Variants in MAD1L1 observed in about 807,000 individuals in gnomAD.
The protein encoded by MAD1L1 is mitotic spindle assembly checkpoint protein MAD1.
Under a neutral mutation model 96.9 loss-of-function variants are expected in MAD1L1, and 95 were observed. The observed-to-expected ratio is 0.98, with a 90% CI of 0.83 to 1.16. The LOEUF is 1.16. Ranked by LOEUF, MAD1L1 falls within the 50% of genes most tolerant of loss-of-function variation. The pLI, the probability that MAD1L1 is intolerant of heterozygous loss-of-function variation, is 0.00. For synonymous variants in MAD1L1, 473 were observed against 396.6 expected, an observed-to-expected ratio of 1.19 and a Z score of -2.29; for missense variants, 1,007 against 954.4, an observed-to-expected ratio of 1.06 and a Z score of -0.73.
At chr7:1,836,250 G>C (rs1782932432) in intron 18 of MAD1L1, among the ~76,000 whole-genome samples, 1 of 152,260 alleles carries the variant, frequency 6.6e-6, no homozygotes, top group South Asian at 2.1e-4. Context: ...TTGAACTCCT[G>C]ATCTCATGAT....
chr7:1,835,173 GAGA>G (rs1782884145), intron 18 of MAD1L1, among the ~76,000 whole-genome samples: 1 of 151,760 alleles, frequency 6.6e-6, no homozygotes, highest in African/African-American at 2.4e-5. Flanking sequence ...TCCTCAGCCT[GAGA>G]AAGGGTATCT....
chr7:1,895,357 C>G (rs905586625), intron 18 of MAD1L1, among the ~76,000 whole-genome samples: 2 of 152,160 alleles, frequency 1.3e-5, no homozygotes, highest in Non-Finnish European at 2.9e-5. Flanking sequence ...CCAGCCAGCA[C>G]CCCCCTGGCA....
Position 1,905,068 on chromosome 7 carries a change from T to C in MAD1L1, c.1808-6678A>G, listed in dbSNP as rs191828514. 1.3e-3 allele frequency among the ~76,000 whole-genome samples: 82 copies of C among 63,584 alleles called. 1 individual carries two copies. Among genetic ancestry groups the C allele is most frequent in the African/African-American group, 3.2e-3 (45 of 14,160 alleles). The allele number at this position is 63,584 out of a possible 152,430, so 41.7% of individuals were successfully genotyped here. A position where few individuals can be genotyped will look rare whatever the true frequency, so the allele number is the denominator to read the frequency against. ...CAGTGGCCTATGGAAGACGTTCTTGTGGAACTCATGATTGATGAAGCACTG... is the reference window on the plus strand; with the variant it reads ...CAGTGGCCTATGGAAGACGTTCTTGCGGAACTCATGATTGATGAAGCACTG... On this transcript the variant is annotated intron_variant, in intron 17 of 18. Transcript: ENST00000265854.
At chr7:1,856,070 T>G (rs925845585) in intron 18 of MAD1L1, among the ~76,000 whole-genome samples, 4 of 152,164 alleles carry the variant, frequency 2.6e-5, no homozygotes, top group Non-Finnish European at 5.9e-5. Flanking sequence ...CTAATCCCAG[T>G]CCAAGGGCTG....
At chr7:1,971,296 T>C (rs894108746) in intron 15 of MAD1L1, among the ~76,000 whole-genome samples, 14 of 152,222 alleles carry the variant, frequency 9.2e-5, no homozygotes, top group Non-Finnish European at 1.8e-4. Flanking sequence ...GATTTCTCAG[T>C]GCAGCCAGGC....
chr7:1,823,277 G>A (rs1261241719), intron 18 of MAD1L1, among the ~76,000 whole-genome samples: 4 of 151,954 alleles, frequency 2.6e-5, no homozygotes, highest in Non-Finnish European at 4.4e-5. Flanking sequence ...ACTGTATCAC[G>A]AACTTACATG....
At chr7:1,993,594 G>A (rs1446995674) in intron 14 of MAD1L1, among the ~76,000 whole-genome samples, 1 of 152,168 alleles carries the variant, frequency 6.6e-6, no homozygotes, top group African/African-American at 2.4e-5. Context: ...TGGAGGAGAA[G>A]CAGGGATCCA....
intron 18 of MAD1L1, among the ~76,000 whole-genome samples, chr7:1,860,724 G>A (rs973687627): frequency 1.3e-5 from 2 of 152,170 alleles, no homozygotes; most frequent in African/African-American, 2.4e-5. Flanking sequence ...GCATCATCCT[G>A]GGCATCACCC....
At chr7:2,227,423 G>T (rs1793959707) in intron 3 of MAD1L1, among the ~76,000 whole-genome samples, 1 of 152,214 alleles carries the variant, frequency 6.6e-6, no homozygotes, top group East Asian at 1.9e-4. Flanking sequence ...GGGAACATCT[G>T]GCCCTGTCTG....
At chr7:2,179,194 C>G (rs747266589) in intron 10 of MAD1L1, among the ~76,000 whole-genome samples, 4 of 152,048 alleles carry the variant, frequency 2.6e-5, no homozygotes, top group Non-Finnish European at 5.9e-5. Flanking sequence ...TTTAACTCAC[C>G]CTGGTCCCAG....
chr7:1,959,282 G>A (rs560655036), intron 15 of MAD1L1, among the ~76,000 whole-genome samples: 1 of 152,136 alleles, frequency 6.6e-6, no homozygotes, highest in South Asian at 2.1e-4. Context: ...AACACAGAGA[G>A]GAAAAGATTC....
rs374904185 is a variant in MAD1L1 at position 2,213,298 on chromosome 7, C to G, written c.925-25G>C. ...TCTGAAAAGACAACAAAAGCACAGA[C>G]CCTGTCATCACCTGCCACAGGATCA... On this transcript the variant is annotated intron_variant, in intron 9 of 18. Coordinates refer to ENST00000265854, the MANE Select transcript of MAD1L1 (RefSeq NM_001013836.2). 5 of 1,608,972 alleles carry G rather than the reference C, an allele frequency of 3.1e-6. No homozygotes were observed. In the African/African-American group the frequency reaches 6.7e-5, roughly 21 times the overall value.
At chr7:1,928,050 C>CG (rs1789190875) in intron 17 of MAD1L1, among the ~76,000 whole-genome samples, 2 of 152,336 alleles carry the variant, frequency 1.3e-5, no homozygotes, top group South Asian at 4.1e-4. Flanking sequence ...CCTTGGCTGA[C>CG]GTCACATCAC....
chr7:1,968,766 C>T lies in MAD1L1; in HGVS notation c.1506-11047G>A, dbSNP rs1317559161. Among the ~76,000 whole-genome samples the T allele has an allele frequency of 1.3e-5, 2 of 152,212 alleles. No homozygotes were observed. Among genetic ancestry groups the T allele is most frequent in the South Asian group, 2.1e-4 (1 of 4,828 alleles). ...AACAATGAAACACATCACACAAGCTCGCTTCGGGGGCGTTCTAGGGACTCC... is the reference window on the plus strand; with the variant it reads ...AACAATGAAACACATCACACAAGCTTGCTTCGGGGGCGTTCTAGGGACTCC... On this transcript the variant is annotated intron_variant, in intron 15 of 18. Coordinates refer to ENST00000265854, the MANE Select transcript of MAD1L1 (RefSeq NM_001013836.2). The surrounding 1 kb of genome is among the most constrained non-coding windows in gnomAD (Gnocchi z 5.6).
chr7:2,213,047 G>T (rs868619222), intron 10 of MAD1L1, among the ~76,000 whole-genome samples, 165 bp downstream of exon 10: 1 of 152,216 alleles, frequency 6.6e-6, no homozygotes, highest in Non-Finnish European at 1.5e-5. Context: ...TGCCCCATCC[G>T]CTGGGAAAGG....
chr7:1,917,435 C>G (rs992875609), intron 17 of MAD1L1, among the ~76,000 whole-genome samples: 1 of 152,238 alleles, frequency 6.6e-6, no homozygotes, highest in Non-Finnish European at 1.5e-5. Context: ...CGCACCTCCC[C>G]TCCAGACAGC....
At chr7:2,213,110 T>A (rs1793067438) in intron 10 of MAD1L1, 102 bp downstream of exon 10, 2 of 1,251,664 alleles carry the variant, frequency 1.6e-6, no homozygotes, top group Non-Finnish European at 1.2e-6. Context: ...GCCACAGAGA[T>A]GCCTGGCTGG....
chr7:1,866,827 C>A (rs1050446681), intron 18 of MAD1L1, among the ~76,000 whole-genome samples: 1 of 152,222 alleles, frequency 6.6e-6, no homozygotes, highest in Admixed American at 6.5e-5. Flanking sequence ...CGACATAGGG[C>A]CCGGTGAGGG....
chr7:2,104,704 A>G (rs1455844931), intron 11 of MAD1L1, among the ~76,000 whole-genome samples: 2 of 73,358 alleles, frequency 2.7e-5, no homozygotes, highest in African/African-American at 5.9e-5. Flanking sequence ...TGAAAACATA[A>G]CTGTTTTATA....
Sources: allele counts gnomAD v4.1 joint callset (sites outside exome capture counted in the v4.1 genomes callset), GRCh38; gene constraint gnomAD v4.1.1; non-coding constraint Gnocchi (gnomAD v3.1); transcripts MANE v1.5; gene names NCBI Gene and HGNC (gene_info 2026-07-23, HGNC 2026-07-21).